Variants in RLN2 observed in about 807,000 individuals in gnomAD.
The protein encoded by RLN2 is prorelaxin H2.
RLN2 carries 10 observed loss-of-function variants against 7.3 expected under a neutral mutation model. The observed-to-expected ratio is 1.36, with a 90% CI of 0.84 to 2.31. The LOEUF is 2.31. RLN2 is among the 30% of genes most tolerant of loss of function. The pLI, the probability that RLN2 is intolerant of heterozygous loss-of-function variation, is 0.00. For missense variants in RLN2, 298 were observed against 217.6 expected (o/e 1.37, Z -2.32); for synonymous variants, 103 against 82.3 (o/e 1.25, Z -1.36).
upstream of RLN2, among the ~76,000 whole-genome samples, chr9:5,307,464 T>A (rs1454298191): frequency 6.6e-6 from 1 of 151,880 alleles, no homozygotes; most frequent in South Asian, 2.1e-4. Context: ...TATTTGAGTG[T>A]TTATACTAGA....
the RLN2 span, among the ~76,000 whole-genome samples, chr9:5,319,362 C>T: frequency 0.014 from 2,057 of 151,856 alleles, 26 homozygotes; most frequent in Non-Finnish European, 0.024. Context: ...AAGAACAAGA[C>T]GAATGGCTCA....
chr9:5,328,914 C>T, the RLN2 span, among the ~76,000 whole-genome samples: 9 of 152,100 alleles, frequency 5.9e-5, no homozygotes, highest in Non-Finnish European at 1.3e-4. Context: ...GGCTGCCTTA[C>T]GAGATTTCCT....
At chr9:5,312,304 T>C in the RLN2 span, among the ~76,000 whole-genome samples, 1 of 152,042 alleles carries the variant, frequency 6.6e-6, no homozygotes, top group African/African-American at 2.4e-5. Context: ...TAGACATCTA[T>C]TGGGACCTGA....
At chr9:5,335,177 T>G in the RLN2 span, 1 of 841,736 alleles carries the variant, frequency 1.2e-6, no homozygotes, top group Non-Finnish European at 1.8e-6. Context: ...TAGTGGGACC[T>G]GACAGAAGCA....
chr9:5,320,542 T>C, the RLN2 span, among the ~76,000 whole-genome samples: 1 of 151,318 alleles, frequency 6.6e-6, no homozygotes, highest in Non-Finnish European at 1.5e-5. Flanking sequence ...GGCTACGTTT[T>C]GTGTTTTTAG....
the RLN2 span, among the ~76,000 whole-genome samples, chr9:5,316,137 TACA>T: frequency 6.6e-6 from 1 of 151,968 alleles, no homozygotes; most frequent in African/African-American, 2.4e-5. Flanking sequence ...AAATAATAAC[TACA>T]ATAAGTTGTT....
At chr9:5,318,030 C>G in the RLN2 span, among the ~76,000 whole-genome samples, 17 of 46,672 alleles carry the variant, frequency 3.6e-4, no homozygotes, top group African/African-American at 1.9e-3. Context: ...GTGTGTGTGT[C>G]TGTATACACA....
At chr9:5,335,612 A>C in the RLN2 span, 2 of 1,555,186 alleles carry the variant, frequency 1.3e-6, no homozygotes, top group Non-Finnish European at 1.8e-6. Context: ...TAAGTTTAAA[A>C]AAAAAGTGTA....
chr9:5,326,720 A>G, the RLN2 span, among the ~76,000 whole-genome samples: 1 of 152,094 alleles, frequency 6.6e-6, no homozygotes, highest in Non-Finnish European at 1.5e-5. Context: ...ATCAGCTTCA[A>G]AATTTTTATA....
At chr9:5,304,314 C>T in intron 1 of RLN2, 56 bp downstream of exon 1, 2 of 1,312,616 alleles carry the variant, frequency 1.5e-6, no homozygotes, top group Admixed American at 4.2e-5. Flanking sequence ...TGGGCGGCCG[C>T]CCCAGAGTAA....
upstream of RLN2, among the ~76,000 whole-genome samples, chr9:5,307,055 G>C (rs1161206098): frequency 3.9e-5 from 6 of 151,978 alleles, no homozygotes; most frequent in African/African-American, 1.5e-4. Flanking sequence ...GGGACCATGA[G>C]GTGTGGAGCA....
At chr9:5,317,085 C>A in the RLN2 span, among the ~76,000 whole-genome samples, 1 of 151,724 alleles carries the variant, frequency 6.6e-6, no homozygotes, top group Non-Finnish European at 1.5e-5. Flanking sequence ...AGATACACAA[C>A]TGATAAAGAG....
the RLN2 span, among the ~76,000 whole-genome samples, chr9:5,327,030 T>C: frequency 6.6e-6 from 1 of 152,058 alleles, no homozygotes; most frequent in African/African-American, 2.4e-5. Flanking sequence ...CTGGTTCATT[T>C]CACTGGAACT....
At chr9:5,322,387 G>A in the RLN2 span, among the ~76,000 whole-genome samples, 1 of 151,924 alleles carries the variant, frequency 6.6e-6, no homozygotes, top group East Asian at 1.9e-4. Flanking sequence ...AATCACAGAT[G>A]AAAAGTATTT....
the RLN2 span, among the ~76,000 whole-genome samples, chr9:5,315,982 G>T: frequency 6.6e-6 from 1 of 151,964 alleles, no homozygotes; most frequent in Non-Finnish European, 1.5e-5. Flanking sequence ...AAGGACACTA[G>T]TTACTAATAT....
At chr9:5,314,991 A>T in the RLN2 span, among the ~76,000 whole-genome samples, 1 of 151,920 alleles carries the variant, frequency 6.6e-6, no homozygotes, top group Non-Finnish European at 1.5e-5. Flanking sequence ...TTCCCTACTA[A>T]AGGCACTCTC....
At chr9:5,330,185 A>G in the RLN2 span, among the ~76,000 whole-genome samples, 1 of 152,110 alleles carries the variant, frequency 6.6e-6, no homozygotes, top group Non-Finnish European at 1.5e-5. Context: ...AAATGAAGGC[A>G]TAAATAAAGA....
upstream of RLN2, chr9:5,304,902 T>G (rs1816215342): frequency 3.2e-6 from 1 of 310,420 alleles, no homozygotes; most frequent in Admixed American, 4.6e-5. Flanking sequence ...TCAAACAATT[T>G]AGTATACTGA....
At chr9:5,312,054 G>T in the RLN2 span, among the ~76,000 whole-genome samples, 1 of 151,788 alleles carries the variant, frequency 6.6e-6, no homozygotes, top group Non-Finnish European at 1.5e-5. Context: ...ACACTTCATT[G>T]TTTTTGGGGG....
Sources: allele counts gnomAD v4.1 joint callset (sites outside exome capture counted in the v4.1 genomes callset), GRCh38; gene constraint gnomAD v4.1.1; transcripts MANE v1.5; gene names NCBI Gene and HGNC (gene_info 2026-07-23, HGNC 2026-07-21).